MMD2: variants seen among roughly 807,000 people sequenced by gnomAD.
MMD2 encodes monocyte to macrophage differentiation associated 2, also known as monocyte to macrophage differentiation factor 2.
Under a neutral mutation model 33.5 loss-of-function variants are expected in MMD2, and 30 were observed. The observed-to-expected ratio is 0.90, with a 90% CI of 0.67 to 1.22. The LOEUF (loss-of-function observed/expected upper bound fraction) is 1.22. Ranked by LOEUF, MMD2 falls within the 50% of genes most tolerant of loss-of-function variation. The probability of loss-of-function intolerance (pLI) is 0.00; values close to 1 mark genes in which losing one functional copy is unlikely to be tolerated. For synonymous variants in MMD2, 129 were observed against 123.0 expected (o/e 1.05, Z -0.32); for missense variants, 364 against 325.4 (o/e 1.12, Z -0.91).
At chr7:4,945,185 T>TC (rs1786024637) in intron 1 of MMD2, among the ~76,000 whole-genome samples, 4 of 93,480 alleles carry the variant, frequency 4.3e-5, no homozygotes, top group African/African-American at 1.6e-4. Flanking sequence ...CCTCTTCCTC[T>TC]TTCTTCTTCT....
At chr7:4,905,140 G>T (rs1347153237), downstream of MMD2, among the ~76,000 whole-genome samples, 1 of 152,134 alleles carries the variant, frequency 6.6e-6, no homozygotes, top group East Asian at 1.9e-4. This position sits in a 1 kb window ranked among gnomAD's most constrained non-coding sequence, Gnocchi z 5.0. Context: ...GGAGGTGCAG[G>T]TGTCAGACTG....
At chr7:4,921,992 A>T (rs942795970) in intron 2 of MMD2, among the ~76,000 whole-genome samples, 7 of 152,018 alleles carry the variant, frequency 4.6e-5, no homozygotes, top group African/African-American at 1.7e-4. Flanking sequence ...TGGGAGGCTG[A>T]GGCCAGGAGG....
intron 1 of MMD2, among the ~76,000 whole-genome samples, chr7:4,957,493 C>CA (rs1290747453): frequency 6.7e-6 from 1 of 150,260 alleles, no homozygotes; most frequent in African/African-American, 2.4e-5. Context: ...ACTAAAAATA[C>CA]AAAAAATTAG....
In MMD2 at chr7:4,946,231, G is replaced by A. The variant is rs976484634; in HGVS notation, c.47+12740C>T. Among the ~76,000 whole-genome samples, 2 of 151,394 alleles carry A rather than the reference G, an allele frequency of 1.3e-5. No homozygotes were observed. The highest frequency in any genetic ancestry group is 4.9e-5 in the African/African-American group (2 of 41,166). On this transcript the variant is annotated intron_variant, in intron 1 of 6. Coordinates refer to ENST00000401401, the MANE Select transcript of MMD2 (RefSeq NM_198403.4). This position sits in a 1 kb window ranked among gnomAD's most constrained non-coding sequence, Gnocchi z 5.0. ...CATGCACACACATGCACACATACACGCACACACACGCACACCCCACCCCGT... is the reference window on the plus strand; with the variant it reads ...CATGCACACACATGCACACATACACACACACACACGCACACCCCACCCCGT...
rs1562473784 is a variant in MMD2, at chr7:4,907,516, C to T, written c.621G>A (p.Arg207=). 2 of 1,613,866 alleles carry T rather than the reference C, an allele frequency of 1.2e-6. No homozygotes were observed. Among genetic ancestry groups the T allele is most frequent in the African/African-American group, 1.3e-5 (1 of 75,042 alleles). The change falls in exon 7 of 7, where the codon AGG becomes AGA. Residue 207 remains arginine (R), a synonymous_variant. Transcript: ENST00000401401. ...GCCAGATGGCGTGGGCAAAGGGGAT[C>T]CTCCCGTCACTCTTGAAGAAGACCA... is the stretch of plus-strand genomic sequence containing the variant. ...LGMVFFKSDG[R]IPFAHAIWHL...
At chr7:4,902,374 T>C (rs899892235), downstream of MMD2, among the ~76,000 whole-genome samples, 76 of 152,254 alleles carry the variant, frequency 5.0e-4, no homozygotes, top group African/African-American at 1.8e-3. Flanking sequence ...GGGTATTAGA[T>C]AGTCCTGGCT....
the MMD2 span, among the ~76,000 whole-genome samples, chr7:4,895,082 C>CTTT: frequency 0.014 from 2,006 of 146,268 alleles, 55 homozygotes; most frequent in African/African-American, 0.048. Context: ...CAGCTGAAGT[C>CTTT]TTTTTTTTTT....
chr7:4,944,614 A>T (rs1785999925), intron 1 of MMD2, among the ~76,000 whole-genome samples: 1 of 152,192 alleles, frequency 6.6e-6, no homozygotes. Context: ...GCCAGTGGCC[A>T]TGGGTCCAGT....
intron 1 of MMD2, among the ~76,000 whole-genome samples, chr7:4,954,658 C>T (rs770686038): frequency 2.0e-5 from 3 of 151,930 alleles, no homozygotes; most frequent in Non-Finnish European, 2.9e-5. Context: ...GACTCAGGTG[C>T]TCCTCCCACC....
At chr7:4,897,167 T>C in the MMD2 span, among the ~76,000 whole-genome samples, 1 of 149,368 alleles carries the variant, frequency 6.7e-6, no homozygotes, top group Admixed American at 6.8e-5. Context: ...GCCTTAATTA[T>C]CCCATTTTCT....
At position 4,920,220 on chromosome 7, in the gene MMD2, C is replaced by G; in HGVS notation, c.241G>C (p.Val81Leu). ...IYGLGLCGLFVVSTVFHTISW... is the reference protein window; with the variant it reads ...IYGLGLCGLFLVSTVFHTISW... The stretch of plus-strand genomic sequence containing the variant: ...ATGGTGTGAAACACAGTGGACACCA[C>G]GAAGAGGCCGCAGAGGCCGAGGCCG... Residue 81 changes from valine (V) to leucine (L), a missense_variant, in exon 3 of 7, where the codon GTG becomes CTG. Coordinates refer to ENST00000401401, the MANE Select transcript of MMD2 (RefSeq NM_198403.4). The G allele has an allele frequency of 6.3e-7, 1 of 1,579,838 alleles. No homozygotes were observed. Among genetic ancestry groups the G allele is most frequent in the Non-Finnish European group, 8.6e-7 (1 of 1,163,582 alleles).
rs149177489 is a variant in MMD2 at position 4,915,715 on chromosome 7, G to T, written c.365+290C>A. Among the ~76,000 whole-genome samples the T allele has an allele frequency of 1.3e-4, 19 of 146,626 alleles. 1 individual carries two copies. Among genetic ancestry groups the T allele is most frequent in the South Asian group, 4.5e-4 (2 of 4,454 alleles). On this transcript the variant is annotated intron_variant, in intron 4 of 6. Coordinates refer to ENST00000401401, the MANE Select transcript of MMD2 (RefSeq NM_198403.4). ...AGACCTCGCTACTGCACTCTAGCCT[G>T]GGTGACAGAGTGAGATTCTGTCTCA... is the stretch of plus-strand genomic sequence containing the variant.
chr7:4,913,028 G>C (rs894599038), intron 4 of MMD2, among the ~76,000 whole-genome samples: 4 of 152,260 alleles, frequency 2.6e-5, no homozygotes, highest in South Asian at 2.1e-4. Flanking sequence ...AAATGAGAAT[G>C]TGTTATGTAA....
At position 4,926,117 on chromosome 7, in the gene MMD2, A is replaced by C. The variant is rs779189013; in HGVS notation, c.48-585T>G. Among the ~76,000 whole-genome samples the C allele has an allele frequency of 3.9e-4, 53 of 136,442 alleles. 1 individual carries two copies. Among genetic ancestry groups the C allele is most frequent in the Non-Finnish European group, 5.2e-4 (34 of 65,212 alleles). The allele number at this position is 136,442 out of a possible 152,430, so 89.5% of individuals were successfully genotyped here. A position where few individuals can be genotyped will look rare whatever the true frequency, so the allele number is the denominator to read the frequency against. ...TACCACGCCGGGCTTTTTTTTTCTT[A>C]CACGGGGTCTCACTCTGTCTCTCAG... On this transcript the variant is annotated intron_variant, in intron 1 of 6. Coordinates refer to ENST00000401401, the MANE Select transcript of MMD2 (RefSeq NM_198403.4).
At chr7:4,934,773 A>T (rs1785691656) in intron 1 of MMD2, among the ~76,000 whole-genome samples, 1 of 152,220 alleles carries the variant, frequency 6.6e-6, no homozygotes, top group Non-Finnish European at 1.5e-5. Context: ...TGGGCAGAAA[A>T]TGCCTGCATG....
intron 1 of MMD2, among the ~76,000 whole-genome samples, chr7:4,957,791 G>A (rs1160648253): frequency 6.6e-6 from 1 of 152,168 alleles, no homozygotes; most frequent in Non-Finnish European, 1.5e-5. Flanking sequence ...GACTCATCAT[G>A]TCCCCCAGGG....
the MMD2 span, among the ~76,000 whole-genome samples, chr7:4,892,600 A>G: frequency 6.8e-6 from 1 of 146,904 alleles, no homozygotes; most frequent in Non-Finnish European, 1.5e-5. Context: ...ATAAATAAAT[A>G]AATAAATAAA....
rs779374508 is a variant in MMD2 at position 4,911,195 on chromosome 7, G to C, written c.417C>G (p.Val139=). The C allele has an allele frequency of 1.3e-5, 21 of 1,602,244 alleles. No individual in the cohort carries two copies. In the African/African-American group the frequency reaches 2.1e-4, roughly 16 times the overall value. Residue 139 remains valine, a synonymous_variant, in exon 5 of 7, where the codon GTC becomes GTG. Coordinates refer to ENST00000401401, the MANE Select transcript of MMD2 (RefSeq NM_198403.4). ...TGGTGCCCACGGAAGCCATAATCCA[G>C]ACCAGCCAGCGCATGTGGGAGGCCC... The part of the protein sequence containing the change: ...GPWASHMRWL[V]WIMASVGTIY...
intron 4 of MMD2, among the ~76,000 whole-genome samples, chr7:4,912,766 G>C (rs563397431): frequency 1.8e-4 from 28 of 152,058 alleles, no homozygotes; most frequent in African/African-American, 6.0e-4. Flanking sequence ...AGTGCAGTGA[G>C]GCAATCTCAG....
Sources: gnomAD v4.1 joint callset for allele counts (sites outside exome capture counted in the v4.1 genomes callset) on GRCh38, gnomAD v4.1.1 for gene constraint, Gnocchi (gnomAD v3.1) non-coding constraint, MANE v1.5 for transcripts, NCBI Gene and HGNC (gene_info 2026-07-23, HGNC 2026-07-21) for gene names.